The following CAMTA1 variants were observed in gnomAD, a reference collection of about 807,000 sequenced individuals.
CAMTA1 encodes calmodulin binding transcription activator 1.
CAMTA1 carries 27 observed loss-of-function variants against 170.9 expected under a neutral mutation model. The observed-to-expected ratio is 0.16, with a 90% confidence interval of 0.12 to 0.22. The LOEUF is 0.22. Ranked by LOEUF, CAMTA1 falls within the 10% of genes least tolerant of loss-of-function variation. The pLI, the probability that CAMTA1 is intolerant of heterozygous loss-of-function variation, is 1.00. For synonymous variants in CAMTA1, 833 were observed against 891.5 expected, an observed-to-expected ratio of 0.93 and a Z score of 1.17; for missense variants, 1,619 against 2,217.2, an observed-to-expected ratio of 0.73 and a Z score of 5.42.
chr1:7,049,602 GC>G (rs1326287445), intron 3 of CAMTA1, among the ~76,000 whole-genome samples: 1 of 151,940 alleles, frequency 6.6e-6, no homozygotes, highest in Non-Finnish European at 1.5e-5. Context: ...GATTATAGGG[GC>G]CCACCACCAC....
At chr1:7,650,644 C>T (rs1387850348) in intron 7 of CAMTA1, among the ~76,000 whole-genome samples, 1 of 152,162 alleles carries the variant, frequency 6.6e-6, no homozygotes, top group Non-Finnish European at 1.5e-5. Flanking sequence ...ACTGGGGACA[C>T]GGCAGATAGG....
intron 3 of CAMTA1, among the ~76,000 whole-genome samples, chr1:6,909,923 A>G (rs1318426881): frequency 1.3e-5 from 2 of 152,230 alleles, no homozygotes; most frequent in Non-Finnish European, 2.9e-5. Flanking sequence ...CTGCCTCTGC[A>G]TGTACTTAGG....
intron 5 of CAMTA1, among the ~76,000 whole-genome samples, chr1:7,396,592 A>G (rs1052457286): frequency 6.6e-6 from 1 of 152,196 alleles, no homozygotes; most frequent in Non-Finnish European, 1.5e-5. Flanking sequence ...GAAGAAAAGC[A>G]TTTAATTTTT....
intron 5 of CAMTA1, 41 bp from the exon 6 acceptor site, chr1:7,467,789 C>T (rs755799288): frequency 2.8e-5 from 43 of 1,529,858 alleles, no homozygotes; most frequent in Non-Finnish European, 3.4e-5. Flanking sequence ...TTCCTTCCTT[C>T]CCTCTTTCCA....
At chr1:6,816,716 A>G (rs536096528) in intron 1 of CAMTA1, among the ~76,000 whole-genome samples, 9 of 152,202 alleles carry the variant, frequency 5.9e-5, no homozygotes, top group Admixed American at 4.6e-4. Flanking sequence ...TGAGTGGTGG[A>G]CTGGAACACA....
chr1:6,900,248 G>A (rs1000364878), intron 3 of CAMTA1, among the ~76,000 whole-genome samples: 8 of 151,602 alleles, frequency 5.3e-5, no homozygotes, highest in African/African-American at 7.2e-5. Context: ...GTGGTGTGTG[G>A]AAGGGATAAC....
At chr1:6,807,108 A>G (rs1404453523) in intron 1 of CAMTA1, 3 of 587,732 alleles carry the variant, frequency 5.1e-6, no homozygotes, top group Non-Finnish European at 9.4e-6. Flanking sequence ...ATATGTCATA[A>G]AGGGATTTGA....
intron 3 of CAMTA1, among the ~76,000 whole-genome samples, chr1:6,968,262 G>A (rs1157577548): frequency 6.6e-6 from 1 of 152,186 alleles, no homozygotes; most frequent in African/African-American, 2.4e-5. Flanking sequence ...GAGAGAGCAA[G>A]GCATGTATCG....
At chr1:7,231,348 TGTGAGAGA>T (rs1037397576) in intron 4 of CAMTA1, among the ~76,000 whole-genome samples, 3 of 141,304 alleles carry the variant, frequency 2.1e-5, no homozygotes, top group African/African-American at 7.9e-5. Flanking sequence ...TGTGTGTGTG[TGTGAGAGA>T]GAGAGAGAGA....
intron 5 of CAMTA1, among the ~76,000 whole-genome samples, chr1:7,449,489 G>A (rs1323924749): frequency 6.6e-6 from 1 of 152,126 alleles, no homozygotes; most frequent in Non-Finnish European, 1.5e-5. Context: ...TAGGAATGAG[G>A]GCCAGGGCAG....
intron 4 of CAMTA1, among the ~76,000 whole-genome samples, chr1:7,239,376 G>C (rs576824709): frequency 6.6e-6 from 1 of 152,194 alleles, no homozygotes; most frequent in East Asian, 1.9e-4. Context: ...TATTGCAATT[G>C]GTTGATTATT....
At chr1:7,675,483 A>G (rs1376487411) in intron 10 of CAMTA1, among the ~76,000 whole-genome samples, 3 of 152,116 alleles carry the variant, frequency 2.0e-5, no homozygotes, top group Non-Finnish European at 4.4e-5. Context: ...GAAGAACAGA[A>G]GCAGGGAGAC....
At chr1:6,946,173 GTCTT>G (rs1011133044) in intron 3 of CAMTA1, among the ~76,000 whole-genome samples, 10 of 149,612 alleles carry the variant, frequency 6.7e-5, no homozygotes, top group African/African-American at 2.0e-4. Context: ...TGATATTATT[GTCTT>G]TCTTTCTCTT....
intron 3 of CAMTA1, among the ~76,000 whole-genome samples, chr1:6,961,960 G>T (rs1021602069): frequency 2.0e-5 from 3 of 152,196 alleles, no homozygotes; most frequent in Non-Finnish European, 4.4e-5. Flanking sequence ...ATCTCTCCCC[G>T]GCGGCCAGTC....
At chr1:7,703,594 G>A (rs1454762145) in intron 11 of CAMTA1, among the ~76,000 whole-genome samples, 1 of 152,156 alleles carries the variant, frequency 6.6e-6, no homozygotes, top group African/African-American at 2.4e-5. Context: ...TTTGGGTAGG[G>A]TCAGAAAAGA....
intron 3 of CAMTA1, among the ~76,000 whole-genome samples, chr1:7,020,312 A>G (rs1233523839): frequency 6.6e-6 from 1 of 152,230 alleles, no homozygotes; most frequent in East Asian, 1.9e-4. Flanking sequence ...ATATGTTTAG[A>G]TACACACATA....
intron 6 of CAMTA1, among the ~76,000 whole-genome samples, chr1:7,605,352 G>T (rs915879746): frequency 1.3e-5 from 2 of 152,178 alleles, no homozygotes; most frequent in Non-Finnish European, 2.9e-5. Context: ...CTTCCCAGCC[G>T]CTTTATTTAC....
intron 6 of CAMTA1, among the ~76,000 whole-genome samples, chr1:7,515,007 C>T (rs2094260948): frequency 2.0e-5 from 3 of 152,160 alleles, no homozygotes; most frequent in Admixed American, 2.0e-4. Flanking sequence ...CGGCCCTCCC[C>T]TGCTCCCTTC....
intron 5 of CAMTA1, among the ~76,000 whole-genome samples, chr1:7,439,178 C>T (rs945126939): frequency 2.0e-5 from 3 of 152,152 alleles, no homozygotes; most frequent in South Asian, 2.1e-4. Context: ...GGGTCGGGCC[C>T]GCCCTTGCTG....
Sources: allele counts gnomAD v4.1 joint callset (sites outside exome capture counted in the v4.1 genomes callset), GRCh38; gene constraint gnomAD v4.1.1; transcripts MANE v1.5; gene names NCBI Gene and HGNC (gene_info 2026-07-23, HGNC 2026-07-21).